NUP88: variants seen among roughly 807,000 people sequenced by gnomAD.
NUP88 encodes nucleoporin 88.
NUP88 carries 57 observed loss-of-function variants against 93.9 expected under a neutral mutation model. That is an observed-to-expected ratio of 0.61 (90% CI 0.49 to 0.76). NUP88 has a LOEUF of 0.76. Ranked by LOEUF, NUP88 falls within the 30% of genes least tolerant of loss-of-function variation. The probability of loss-of-function intolerance (pLI) is 0.00; values close to 1 mark genes in which losing one functional copy is unlikely to be tolerated. For missense variants in NUP88, 911 were observed against 901.0 expected (o/e 1.01, Z -0.14); for synonymous variants, 346 against 336.8 (o/e 1.03, Z -0.30).
At chr17:5,407,060 A>T (rs538920083) in intron 5 of NUP88, among the ~76,000 whole-genome samples, 1 of 152,314 alleles carries the variant, frequency 6.6e-6, no homozygotes, top group South Asian at 2.1e-4. Context: ...GGAAGGTACT[A>T]AAGTTACCAC....
intron 7 of NUP88, 34 bp from the exon 8 acceptor site, chr17:5,399,684 C>T (rs1388438760): frequency 1.7e-6 from 2 of 1,208,004 alleles, no homozygotes; most frequent in South Asian, 1.4e-5. Context: ...ACAAAGGTAG[C>T]CAGTGGATAA....
chr17:5,405,035 A>C (rs772779581), intron 6 of NUP88, 22 bp downstream of exon 6: 35 of 1,605,652 alleles, frequency 2.2e-5, no homozygotes, highest in South Asian at 8.9e-5. Context: ...AGATACAAAC[A>C]ACCACAGCAG....
chr17:5,410,354 T>C (rs960470620), intron 4 of NUP88, among the ~76,000 whole-genome samples: 1 of 152,170 alleles, frequency 6.6e-6, no homozygotes, highest in African/African-American at 2.4e-5. Context: ...TTAACAAATA[T>C]GGTTAAAATG....
At chr17:5,386,686 C>G (rs1912006372) in intron 16 of NUP88, 22 bp downstream of exon 16, 6 of 1,415,090 alleles carry the variant, frequency 4.2e-6, no homozygotes, top group Non-Finnish European at 6.0e-6. Context: ...ACGATAATAG[C>G]TGATTGGAAG....
intron 11 of NUP88, chr17:5,388,585 G>A: frequency 2.2e-6 from 1 of 451,900 alleles, no homozygotes; most frequent in South Asian, 3.6e-5. Flanking sequence ...ACCACGCCCG[G>A]CCTAGCCTAA....
intron 10 of NUP88, 44 bp from the exon 11 acceptor site, chr17:5,389,004 T>C (rs1382863063): frequency 6.9e-7 from 1 of 1,447,180 alleles, no homozygotes. Flanking sequence ...TGGAGTGATT[T>C]ACTGTATTAC....
rs1911844566 is a variant in NUP88, at chr17:5,385,167, G to A, written c.*1039C>T. On this transcript the variant is annotated 3_prime_UTR_variant, in exon 17 of 17. Coordinates refer to ENST00000573584, the MANE Select transcript of NUP88 (RefSeq NM_002532.6). ...TTTATTGTAGAAAAACCCAAACTGA[G>A]ACTCTTAAGTTTTGTTTAGCAATGT... is the stretch of plus-strand genomic sequence containing the variant. 8.7e-6 allele frequency: 2 copies of A among 229,832 alleles called. No homozygotes were observed. Among genetic ancestry groups the A allele is most frequent in the Non-Finnish European group, 1.7e-5 (2 of 116,032 alleles). The allele number at this position is 229,832 out of a possible 1,614,324, so 14.2% of individuals were successfully genotyped here.
chr17:5,408,896 C>A lies in NUP88; in HGVS notation c.694G>T (p.Ala232Ser). 1 of 1,580,362 alleles carries A rather than the reference C, an allele frequency of 6.3e-7. No homozygotes were observed. The highest frequency in any genetic ancestry group is 8.6e-7 in the Non-Finnish European group (1 of 1,168,144). ...LVLNKGRAYT[A>S]SLGETAVAFD... is the part of the protein sequence containing the mutation. ...GCAACTGCTGTCTCTCCTAGAGATG[C>A]GGTATACGCCCTTCTGGAAAGAGAT... Residue 232 changes from alanine (A) to serine (S), a missense_variant, in exon 5 of 17, where the codon GCA becomes TCA. Coordinates refer to ENST00000573584, the MANE Select transcript of NUP88 (RefSeq NM_002532.6).
In NUP88 at chr17:5,399,582, T is replaced by A; in HGVS notation, c.1261A>T (p.Ile421Phe). The change falls in exon 8 of 17, where the codon ATT (isoleucine) becomes TTT (phenylalanine). Residue 421 changes from isoleucine (I) to phenylalanine (F), a missense_variant. Transcript: ENST00000573584. ...CCAAGAAATTTGTGAAGTTTATGAA[T>A]CCAAGTTAGCCCAACACTATGTACA... ...AGVHSVGLTW[I>F]HKLHKFLGSD... is the part of the protein sequence containing the mutation. The A allele has an allele frequency of 6.2e-7, 1 of 1,608,178 alleles. No homozygotes were observed. The highest frequency in any genetic ancestry group is 1.1e-5 in the South Asian group (1 of 90,442).
chr17:5,392,028 G>C (rs147227521), intron 9 of NUP88, among the ~76,000 whole-genome samples: 10 of 152,314 alleles, frequency 6.6e-5, no homozygotes, highest in African/African-American at 2.4e-4. Flanking sequence ...CAGAACTACC[G>C]AGTCTCTCTC....
chr17:5,395,804 C>T (rs1479340769), intron 8 of NUP88, among the ~76,000 whole-genome samples: 1 of 152,160 alleles, frequency 6.6e-6, no homozygotes, highest in African/African-American at 2.4e-5. Flanking sequence ...AGGTGTGAAC[C>T]ACCACGCCTG....
chr17:5,410,737 C>T lies in NUP88; in HGVS notation c.646G>A (p.Glu216Lys). The change falls in exon 4 of 17, where the codon GAA becomes AAA. Residue 216 changes from glutamate (E) to lysine (K), a missense_variant. By Grantham distance (56) the Glu-to-Lys change is moderately conservative (BLOSUM62 1). Transcript: ENST00000573584. The stretch of plus-strand genomic sequence containing the variant: ...AGTACTAGACTTTCCTCTTCGGCTT[C>T]TGAAAGTATTATCACGTTAGTGGGT... Reference protein sequence around the residue: ...QTPTNVIILSEAEEESLVLNK... With the variant: ...QTPTNVIILSKAEEESLVLNK... 1 of 1,612,476 alleles carries T rather than the reference C, an allele frequency of 6.2e-7. No individual in the cohort carries two copies. Among genetic ancestry groups the T allele is most frequent in the South Asian group, 1.1e-5 (1 of 90,932 alleles).
intron 1 of NUP88, among the ~76,000 whole-genome samples, chr17:5,417,329 T>A (rs1353225748): frequency 6.6e-6 from 1 of 152,116 alleles, no homozygotes; most frequent in Non-Finnish European, 1.5e-5. Flanking sequence ...TAGCCAGGCG[T>A]GGTGGCACAT....
Position 5,387,616 on chromosome 17 carries a change from A to T in NUP88, c.1824T>A (p.Cys608Ter). 6.2e-7 allele frequency: 1 copy of T among 1,613,120 alleles called. No homozygotes were observed. Among genetic ancestry groups the T allele is most frequent in the South Asian group, 1.1e-5 (1 of 91,042 alleles). Residue 608 changes from cysteine (C) to a stop codon, truncating the protein, a stop_gained, in exon 13 of 17, where the codon TGT becomes TGA. Coordinates refer to ENST00000573584, the MANE Select transcript of NUP88 (RefSeq NM_002532.6). LOFTEE classifies it high-confidence loss of function. ...KKKQLEDLSY[C>*]REERKSLREM... ...TTTTTGACACTTACCTCTCTTCTCG[A>T]CAATAACTGAGATCTTCTAGTTGTT... is the stretch of plus-strand genomic sequence containing the variant.
At chr17:5,418,758 A>G (rs1201303959) in intron 1 of NUP88, among the ~76,000 whole-genome samples, 2 of 152,238 alleles carry the variant, frequency 1.3e-5, no homozygotes, top group African/African-American at 4.8e-5. Flanking sequence ...TGTATTACAA[A>G]TAAACATTTC....
chr17:5,399,689 G>A, intron 7 of NUP88, 39 bp from the exon 8 acceptor site: 1 of 1,141,248 alleles, frequency 8.8e-7, no homozygotes, highest in Non-Finnish European at 1.3e-6. Context: ...GGTAGCCAGT[G>A]GATAACTAAA....
In NUP88 at chr17:5,419,578, AG is replaced by A. The variant is rs1567581761; in HGVS notation, c.72del (p.Leu25CysfsTer7). On this transcript the variant is annotated frameshift_variant, in exon 1 of 17. Coordinates refer to ENST00000573584, the MANE Select transcript of NUP88 (RefSeq NM_002532.6). LOFTEE classifies it high-confidence loss of function. ...WQTWLPNHVV[F>X]LRLREGLKNQ... ...TTTTTCAGTCCCTCCCGGAGCCGCA[AG>A]AACACGACGTGGTTAGGAAGCCAGG... 1 of 1,609,874 alleles carries A rather than the reference AG, an allele frequency of 6.2e-7. No homozygotes were observed. The highest frequency in any genetic ancestry group is 8.5e-7 in the Non-Finnish European group (1 of 1,177,274).
intron 3 of NUP88, among the ~76,000 whole-genome samples, chr17:5,412,712 C>T (rs1200579217): frequency 1.3e-5 from 2 of 151,928 alleles, no homozygotes; most frequent in Admixed American, 1.3e-4. Context: ...ACCACATCAA[C>T]AGAGTTCACT....
rs1228691757 is a variant in NUP88, at chr17:5,390,699, CTTTT to C, written c.1484+858_1484+861del. 2.4e-5 allele frequency among the ~76,000 whole-genome samples: 3 copies of C among 124,176 alleles called. No individual in the cohort carries two copies. In the South Asian group the frequency reaches 1.0e-3, roughly 43 times the overall value. 81.5% of individuals were successfully genotyped at this position (124,176 alleles called of 152,430 possible). The stretch of plus-strand genomic sequence containing the variant: ...AAAGGAGCAAAGACTAAGAGTTCAG[CTTTT>C]TTGTTTTTTTTTTTAAAAGACACAG... On this transcript the variant is annotated intron_variant, in intron 10 of 16. Transcript: ENST00000573584.
Sources: gnomAD v4.1 joint callset for allele counts (sites outside exome capture counted in the v4.1 genomes callset) on GRCh38, gnomAD v4.1.1 for gene constraint, MANE v1.5 for transcripts, NCBI Gene and HGNC (gene_info 2026-07-23, HGNC 2026-07-21) for gene names.